Variants in CDH2 observed in about 807,000 individuals in gnomAD.
CDH2 encodes the protein cadherin 2.
A neutral mutation model predicts 92.0 loss-of-function variants in CDH2; 17 were observed. That is an observed-to-expected ratio of 0.18 (90% CI 0.13 to 0.28). The LOEUF (loss-of-function observed/expected upper bound fraction) is 0.28. Ranked by LOEUF, CDH2 falls within the 10% of genes least tolerant of loss-of-function variation. The probability of loss-of-function intolerance (pLI) is 1.00; values close to 1 mark genes in which losing one functional copy is unlikely to be tolerated. For synonymous variants in CDH2, 419 were observed against 415.9 expected (o/e 1.01, Z -0.09); for missense variants, 862 against 1,133.1 (o/e 0.76, Z 3.44).
At position 28,147,793 on chromosome 18, in the gene CDH2, CAAG is replaced by C; in HGVS notation, c.61-12_61-10del. 1 of 1,412,854 alleles carries C rather than the reference CAAG, an allele frequency of 7.1e-7. No homozygotes were observed. The highest frequency in any genetic ancestry group is 9.6e-7 in the Non-Finnish European group (1 of 1,039,632). The allele number at this position is 1,412,854 out of a possible 1,614,324, so 87.5% of individuals were successfully genotyped here. On this transcript the variant is annotated splice_polypyrimidine_tract_variant and intron_variant, in intron 1 of 15. Transcript: ENST00000269141. The stretch of plus-strand genomic sequence containing the variant: ...GAAGCCTCTACAGACGCCTGCAACA[CAAG>C]AAAAAAAAAAAAAATGTGTGCAATG...
chr18:27,979,750 CA>C (rs17498044), intron 14 of CDH2, among the ~76,000 whole-genome samples: 1 of 151,928 alleles, frequency 6.6e-6, no homozygotes, highest in Admixed American at 6.6e-5. Flanking sequence ...AAGTCAAAAA[CA>C]GGGGGTGCTA....
Position 27,952,098 on chromosome 18 carries a change from G to A in CDH2, c.*55C>T, listed in dbSNP as rs891173638. The stretch of plus-strand genomic sequence containing the variant: ...AAGCCTAGCTTCTGAATGCTTTTTG[G>A]GAATATCAGTTGAAATTGTTTGTAC... On this transcript the variant is annotated 3_prime_UTR_variant, in exon 16 of 16. Coordinates refer to ENST00000269141, the MANE Select transcript of CDH2 (RefSeq NM_001792.5). 1.3e-5 allele frequency: 18 copies of A among 1,422,740 alleles called. No individual in the cohort carries two copies. The African/African-American group carries it at 1.8e-4, about 14-fold the overall frequency. The allele number at this position is 1,422,740 out of a possible 1,614,324, so 88.1% of individuals were successfully genotyped here. A position where few individuals can be genotyped will look rare whatever the true frequency, so the allele number is the denominator to read the frequency against.
intron 13 of CDH2, among the ~76,000 whole-genome samples, chr18:27,983,391 C>T (rs562202991): frequency 6.6e-6 from 1 of 152,240 alleles, no homozygotes; most frequent in South Asian, 2.1e-4. Flanking sequence ...TTCTATCTTC[C>T]CTTTGGCTTG....
At chr18:28,129,466 C>T (rs570669288) in intron 2 of CDH2, among the ~76,000 whole-genome samples, 4 of 152,270 alleles carry the variant, frequency 2.6e-5, no homozygotes, top group South Asian at 4.1e-4. Flanking sequence ...GCCCAGCTTA[C>T]GATTTCCAAA....
chr18:28,038,808 G>GT (rs2013891785), intron 2 of CDH2, among the ~76,000 whole-genome samples: 1 of 152,034 alleles, frequency 6.6e-6, no homozygotes, highest in Non-Finnish European at 1.5e-5. Flanking sequence ...TAATTTGTGT[G>GT]TTTCCTCTGC....
intron 1 of CDH2, among the ~76,000 whole-genome samples, chr18:28,162,238 T>C (rs577648880): frequency 7.4e-4 from 113 of 152,326 alleles, no homozygotes; most frequent in African/African-American, 2.6e-3. Flanking sequence ...CCAAATAACA[T>C]TGTTGAAGTG....
At chr18:27,938,764 G>A (rs1157355099) in intron 6 of CDH2, among the ~76,000 whole-genome samples, 1 of 152,056 alleles carries the variant, frequency 6.6e-6, no homozygotes, top group Non-Finnish European at 1.5e-5. Flanking sequence ...CAGTGTTATA[G>A]CATCGCTTAA....
intron 15 of CDH2, among the ~76,000 whole-genome samples, chr18:27,957,674 A>G (rs2011286705): frequency 6.6e-6 from 1 of 152,100 alleles, no homozygotes; most frequent in African/African-American, 2.4e-5. Flanking sequence ...GTATTCTATA[A>G]GGTAACTATG....
chr18:28,163,780 A>G lies in CDH2; in HGVS notation c.60+13183T>C, dbSNP rs776395040. ...AAAAATACATTATATATACACATGCATGATACATGTATACATCTATGCATG... is the reference window on the plus strand; with the variant it reads ...AAAAATACATTATATATACACATGCGTGATACATGTATACATCTATGCATG... On this transcript the variant is annotated intron_variant, in intron 1 of 15. Transcript: ENST00000269141. Among the ~76,000 whole-genome samples, 44 of 152,268 alleles carry G rather than the reference A, an allele frequency of 2.9e-4. 1 individual carries two copies. The highest frequency in any genetic ancestry group is 5.4e-4 in the Non-Finnish European group (37 of 68,040).
At chr18:28,116,276 T>A (rs2015494575) in intron 2 of CDH2, among the ~76,000 whole-genome samples, 1 of 152,194 alleles carries the variant, frequency 6.6e-6, no homozygotes, top group African/African-American at 2.4e-5. Context: ...AGGCAACTTG[T>A]TAGGGAGAGG....
rs1567938925 is a variant in CDH2 at position 27,962,670 on chromosome 18, T to TAAGA, written c.2514+683_2514+686dup. Among the ~76,000 whole-genome samples the TAAGA allele has an allele frequency of 2.6e-5, 4 of 152,188 alleles. No individual in the cohort carries two copies. The East Asian group carries it at 7.7e-4, about 29-fold the overall frequency. ...CAATACAAATTCAAAAGAATTACAG[T>TAAGA]AAGACTACAGACATGATCAGAAGCA... On this transcript the variant is annotated intron_variant, in intron 15 of 15. Coordinates refer to ENST00000269141, the MANE Select transcript of CDH2 (RefSeq NM_001792.5).
At chr18:28,152,155 A>G (rs934825628) in intron 1 of CDH2, among the ~76,000 whole-genome samples, 2 of 152,196 alleles carry the variant, frequency 1.3e-5, no homozygotes, top group African/African-American at 2.4e-5. Flanking sequence ...TTCTCACAAT[A>G]GGCCCCTTAA....
chr18:28,139,545 T>C (rs2015919536), intron 2 of CDH2, among the ~76,000 whole-genome samples: 1 of 152,032 alleles, frequency 6.6e-6, no homozygotes, highest in South Asian at 2.1e-4. Flanking sequence ...GTTGCCTCCA[T>C]GTTGCTAAAT....
At chr18:27,998,661 G>C (rs1342743367) in intron 7 of CDH2, among the ~76,000 whole-genome samples, 1 of 152,140 alleles carries the variant, frequency 6.6e-6, no homozygotes, top group Non-Finnish European at 1.5e-5. Flanking sequence ...ACACAGGCTG[G>C]ACTGCAGTGG....
At chr18:28,029,009 T>C (rs2013627363) in intron 2 of CDH2, among the ~76,000 whole-genome samples, 1 of 152,178 alleles carries the variant, frequency 6.6e-6, no homozygotes, top group African/African-American at 2.4e-5. Context: ...AATATTATCA[T>C]GTAACCAGGA....
intron 13 of CDH2, among the ~76,000 whole-genome samples, chr18:27,983,485 G>A (rs1254537559): frequency 2.0e-5 from 3 of 152,160 alleles, no homozygotes; most frequent in East Asian, 3.9e-4. Flanking sequence ...GTGTTATTTC[G>A]GTTGGTCAGT....
At chr18:27,987,109 G>T (rs187528981) in intron 11 of CDH2, among the ~76,000 whole-genome samples, 5 of 152,162 alleles carry the variant, frequency 3.3e-5, no homozygotes, top group Admixed American at 3.3e-4. Context: ...ATCCTTCCTG[G>T]TGAATGAGAA....
At chr18:28,056,448 G>A (rs1230170395) in intron 2 of CDH2, among the ~76,000 whole-genome samples, 1 of 152,074 alleles carries the variant, frequency 6.6e-6, no homozygotes, top group Non-Finnish European at 1.5e-5. Context: ...GTTTTATCAC[G>A]ATGAATCCTT....
intron 2 of CDH2, among the ~76,000 whole-genome samples, chr18:28,095,258 C>T (rs1265564188): frequency 1.3e-5 from 2 of 151,964 alleles, no homozygotes; most frequent in Non-Finnish European, 2.9e-5. Flanking sequence ...AGTGACTGCA[C>T]TGCTGTGAGT....
Sources: gnomAD v4.1 joint callset for allele counts (sites outside exome capture counted in the v4.1 genomes callset) on GRCh38, gnomAD v4.1.1 for gene constraint, MANE v1.5 for transcripts, NCBI Gene and HGNC (gene_info 2026-07-23, HGNC 2026-07-21) for gene names.